NKAIN2: variants seen among roughly 807,000 people sequenced by gnomAD.
NKAIN2 encodes sodium/potassium transporting ATPase interacting 2.
A neutral mutation model predicts 32.6 loss-of-function variants in NKAIN2; 14 were observed. That is an observed-to-expected ratio of 0.43 (90% confidence interval 0.28 to 0.67). NKAIN2 has a LOEUF of 0.67. NKAIN2 is among the 30% of genes least tolerant of loss of function. NKAIN2 has a pLI of 0.17. For synonymous variants in NKAIN2, 80 were observed against 87.2 expected (o/e 0.92, Z 0.46); for missense variants, 198 against 258.3 (o/e 0.77, Z 1.60).
intron 3 of NKAIN2, among the ~76,000 whole-genome samples, chr6:124,583,904 CTT>C (rs1205514395): frequency 6.6e-6 from 1 of 152,124 alleles, no homozygotes; most frequent in African/African-American, 2.4e-5. Flanking sequence ...AGGACAGTGT[CTT>C]TGATAAATGA....
intron 1 of NKAIN2, among the ~76,000 whole-genome samples, chr6:124,172,984 T>C (rs1788971092): frequency 6.6e-6 from 1 of 152,138 alleles, no homozygotes; most frequent in Non-Finnish European, 1.5e-5. Context: ...ACTCAAAGCT[T>C]TCCATTTAAG....
intron 3 of NKAIN2, among the ~76,000 whole-genome samples, chr6:124,445,726 C>T (rs888928616): frequency 6.8e-6 from 1 of 146,776 alleles, no homozygotes; most frequent in Non-Finnish European, 1.5e-5. Context: ...AGTGTTGGGA[C>T]ATTAAAAGGG....
intron 3 of NKAIN2, among the ~76,000 whole-genome samples, chr6:124,615,497 A>C (rs1250557468): frequency 6.6e-6 from 1 of 152,226 alleles, no homozygotes; most frequent in African/African-American, 2.4e-5. Context: ...GATTTCGGAA[A>C]ATATGACTCA....
At chr6:124,145,426 A>G (rs1176324769) in intron 1 of NKAIN2, among the ~76,000 whole-genome samples, 1 of 152,234 alleles carries the variant, frequency 6.6e-6, no homozygotes, top group East Asian at 1.9e-4. Context: ...GCAATGCAAA[A>G]GAGAAAGCTA....
chr6:124,477,074 A>G (rs1777247770), intron 3 of NKAIN2, among the ~76,000 whole-genome samples: 1 of 152,050 alleles, frequency 6.6e-6, no homozygotes, highest in Non-Finnish European at 1.5e-5. Flanking sequence ...ACTCTGCATT[A>G]ATTTTTTCTG....
intron 1 of NKAIN2, among the ~76,000 whole-genome samples, chr6:124,064,581 A>C (rs1379690886): frequency 6.6e-6 from 1 of 152,132 alleles, no homozygotes; most frequent in Non-Finnish European, 1.5e-5. Context: ...GGCAACGGTA[A>C]ACTGAAAGAT....
rs537624309 is a variant in NKAIN2, at chr6:123,988,126, T to C, written c.54+183872T>C. On this transcript the variant is annotated intron_variant, in intron 1 of 6. Transcript: ENST00000368417. ...TATTGATTGGAGATGGGAGATCAGC[T>C]GTGATTGATTCCCTACAGGAAATAT... is the stretch of plus-strand genomic sequence containing the variant. Among the ~76,000 whole-genome samples, 4 of 152,288 alleles carry C rather than the reference T, an allele frequency of 2.6e-5. No homozygotes were observed. The East Asian group carries it at 7.7e-4, about 29-fold the overall frequency.
intron 3 of NKAIN2, among the ~76,000 whole-genome samples, chr6:124,478,383 A>G (rs987688042): frequency 6.6e-6 from 1 of 152,218 alleles, no homozygotes; most frequent in Admixed American, 6.5e-5. Flanking sequence ...AAAAGGAGCC[A>G]GGGCTCCTTG....
intron 1 of NKAIN2, among the ~76,000 whole-genome samples, chr6:124,248,246 C>A (rs1582921613): frequency 6.6e-6 from 1 of 152,036 alleles, no homozygotes; most frequent in East Asian, 1.9e-4. Context: ...TCAGTTTCTT[C>A]ATTTTGAAAT....
At chr6:124,136,124 C>G (rs780133767) in intron 1 of NKAIN2, among the ~76,000 whole-genome samples, 1 of 151,950 alleles carries the variant, frequency 6.6e-6, no homozygotes, top group African/African-American at 2.4e-5. Context: ...GATTGATAAA[C>G]CATTAGCAAG....
chr6:124,071,519 A>G (rs1469158666), intron 1 of NKAIN2, among the ~76,000 whole-genome samples: 1 of 152,222 alleles, frequency 6.6e-6, no homozygotes, highest in Non-Finnish European at 1.5e-5. Flanking sequence ...ATAAGAAACT[A>G]TCAACAGAGT....
chr6:123,843,395 T>C (rs1774959163), intron 1 of NKAIN2, among the ~76,000 whole-genome samples: 1 of 152,150 alleles, frequency 6.6e-6, no homozygotes, highest in Non-Finnish European at 1.5e-5. Flanking sequence ...TAGTCCCCAA[T>C]GTTCAGCTGC....
In NKAIN2 at chr6:124,754,761, C is replaced by T. The variant is rs191993287; in HGVS notation, c.475-36578C>T. Reference sequence around the variant, plus strand: ...AAGACCTAAAGACAGAAATACTATTCAATCCAGCAAGCCCATTACTGAGTA... The same window carrying T: ...AAGACCTAAAGACAGAAATACTATTTAATCCAGCAAGCCCATTACTGAGTA... On this transcript the variant is annotated intron_variant, in intron 4 of 6. Transcript: ENST00000368417. Among the ~76,000 whole-genome samples the T allele has an allele frequency of 1.9e-3, 295 of 152,128 alleles. 2 individuals are homozygous for T. The highest frequency in any genetic ancestry group is 6.7e-3 in the African/African-American group (279 of 41,526).
chr6:124,658,420 C>G, intron 4 of NKAIN2, 34 bp downstream of exon 4: 1 of 1,613,948 alleles, frequency 6.2e-7, no homozygotes, highest in Middle Eastern at 1.7e-4. Flanking sequence ...CCTTCTAGTG[C>G]CTCTGGGGTT....
intron 3 of NKAIN2, among the ~76,000 whole-genome samples, chr6:124,388,064 A>G (rs1024041397): frequency 2.6e-5 from 4 of 152,084 alleles, no homozygotes; most frequent in African/African-American, 9.7e-5. Flanking sequence ...AAGAGCCCTA[A>G]TAACACAAAA....
At chr6:123,854,200 A>T (rs1775469231) in intron 1 of NKAIN2, among the ~76,000 whole-genome samples, 1 of 152,250 alleles carries the variant, frequency 6.6e-6, no homozygotes, top group Admixed American at 6.5e-5. Flanking sequence ...AATTTGAAAT[A>T]TACTTTGTTA....
intron 3 of NKAIN2, among the ~76,000 whole-genome samples, chr6:124,439,874 G>A (rs527356763): frequency 3.3e-5 from 5 of 151,778 alleles, no homozygotes; most frequent in Admixed American, 6.6e-5. Context: ...TTCCTCTCTC[G>A]ACTCATCTCA....
intron 1 of NKAIN2, among the ~76,000 whole-genome samples, chr6:124,190,234 A>G (rs2114583974): frequency 6.6e-6 from 1 of 152,244 alleles, no homozygotes; most frequent in East Asian, 1.9e-4. Context: ...CTTGTAGAGT[A>G]GGTTTAATTA....
intron 1 of NKAIN2, among the ~76,000 whole-genome samples, chr6:123,886,460 A>G (rs1336240269): frequency 6.6e-6 from 1 of 152,132 alleles, no homozygotes. Context: ...GTCCTGTAAA[A>G]ATATGTGTTT....
Sources: allele counts gnomAD v4.1 joint callset (sites outside exome capture counted in the v4.1 genomes callset), GRCh38; gene constraint gnomAD v4.1.1; transcripts MANE v1.5; gene names NCBI Gene and HGNC (gene_info 2026-07-23, HGNC 2026-07-21).